Variants in NTRK2 observed in about 807,000 individuals in gnomAD.
NTRK2 encodes neurotrophic receptor tyrosine kinase 2.
A neutral mutation model predicts 94.5 loss-of-function variants in NTRK2; 13 were observed. The ratio of observed to expected loss-of-function variants is 0.14; its 90% CI spans 0.09 to 0.22. The LOEUF (loss-of-function observed/expected upper bound fraction) is 0.22. Among genes scored for constraint, NTRK2 ranks in the 10% least tolerant of loss-of-function variants. The pLI, the probability that NTRK2 is intolerant of heterozygous loss-of-function variation, is 1.00. For synonymous variants in NTRK2, 372 were observed against 407.4 expected, an observed-to-expected ratio of 0.91 and a Z score of 1.05; for missense variants, 639 against 1,071.2, an observed-to-expected ratio of 0.60 and a Z score of 5.63.
intron 12 of NTRK2, among the ~76,000 whole-genome samples, chr9:84,855,098 T>G (rs1345697331): frequency 6.6e-6 from 1 of 152,146 alleles, no homozygotes; most frequent in African/African-American, 2.4e-5. Flanking sequence ...TAGGTTGGCC[T>G]TGTCATGAGA....
Position 84,870,489 on chromosome 9 carries a change from G to A in NTRK2, c.1633+3058G>A, listed in dbSNP as rs535583907. ...GTAGCTAGGACTCTAGGTACACACC[G>A]TCATGTCTGGCTAATTTTTTTTTAT... On this transcript the variant is annotated intron_variant, in intron 14 of 18. Coordinates refer to ENST00000277120, the MANE Select transcript of NTRK2 (RefSeq NM_006180.6). 4.7e-5 allele frequency among the ~76,000 whole-genome samples: 7 copies of A among 149,950 alleles called. No homozygotes were observed. The South Asian group carries it at 6.4e-4, about 14-fold the overall frequency.
chr9:84,975,763 T>TATTCACACAAATTGTGTGAATACA (rs1344209039), intron 17 of NTRK2, among the ~76,000 whole-genome samples: 2 of 146,272 alleles, frequency 1.4e-5, no homozygotes, highest in African/African-American at 5.5e-5. Context: ...ATATGTGTGA[T>TATTCACACAAATTGTGTGAATACA]ATTCACACAA....
chr9:84,946,524 G>A (rs896145279), intron 15 of NTRK2, among the ~76,000 whole-genome samples: 2 of 152,210 alleles, frequency 1.3e-5, no homozygotes, highest in African/African-American at 4.8e-5. Flanking sequence ...AGCATGAGGT[G>A]CACCTAGCAG....
chr9:84,991,383 G>A (rs1348699953), intron 17 of NTRK2, among the ~76,000 whole-genome samples: 1 of 152,190 alleles, frequency 6.6e-6, no homozygotes. Context: ...CATTAGTTAT[G>A]CAGATGAAGT....
chr9:84,699,349 T>C (rs190455173), intron 2 of NTRK2, among the ~76,000 whole-genome samples: 13 of 152,312 alleles, frequency 8.5e-5, no homozygotes, highest in Non-Finnish European at 1.8e-4. Context: ...GCTAAACTTG[T>C]AATCCAGCTC....
chr9:84,919,591 AT>A, intron 14 of NTRK2, among the ~76,000 whole-genome samples: 1 of 152,216 alleles, frequency 6.6e-6, no homozygotes, highest in East Asian at 1.9e-4. Context: ...TCACCGAGTC[AT>A]TTTAATGCTC....
rs191899861 is a variant in NTRK2, at chr9:84,798,016, G to A, written c.1396+45931G>A. 3.7e-3 allele frequency among the ~76,000 whole-genome samples: 546 copies of A among 149,354 alleles called. 12 individuals carry two copies. Among genetic ancestry groups the A allele is most frequent in the Non-Finnish European group, 3.0e-3 (205 of 67,762 alleles). On this transcript the variant is annotated intron_variant, in intron 12 of 18. Coordinates refer to ENST00000277120, the MANE Select transcript of NTRK2 (RefSeq NM_006180.6). ...CCATTGGGACTGTCTTAGTCTTGCC[G>A]CTATAACAAAGTATCACAGACTGGG...
intron 12 of NTRK2, chr9:84,814,999 G>A (rs1389335158): frequency 2.8e-6 from 3 of 1,059,504 alleles, no homozygotes; most frequent in African/African-American, 1.6e-5. Flanking sequence ...GACTCTTTTG[G>A]ACAGACCATG....
chr9:84,850,220 CA>C (rs1194467362), intron 12 of NTRK2, among the ~76,000 whole-genome samples: 3 of 150,650 alleles, frequency 2.0e-5, no homozygotes, highest in Non-Finnish European at 4.4e-5. Flanking sequence ...AAAAAAAAAA[CA>C]AAAAAACAAA....
At chr9:85,002,515 A>T (rs1173208322) in intron 17 of NTRK2, among the ~76,000 whole-genome samples, 1 of 152,156 alleles carries the variant, frequency 6.6e-6, no homozygotes, top group African/African-American at 2.4e-5. Context: ...TCCACTTTCA[A>T]ATAATGGTGC....
At chr9:84,867,514 A>G in intron 14 of NTRK2, 83 bp downstream of exon 14, 1 of 1,191,516 alleles carries the variant, frequency 8.4e-7, no homozygotes, top group Non-Finnish European at 1.3e-6. Flanking sequence ...CCTGATAGGG[A>G]TGACTGGCGG....
At chr9:84,833,651 C>A (rs940323949) in intron 12 of NTRK2, among the ~76,000 whole-genome samples, 2 of 148,626 alleles carry the variant, frequency 1.3e-5, no homozygotes, top group African/African-American at 5.0e-5. Flanking sequence ...AGGAGGGAGG[C>A]AGGGGAGGGA....
intron 14 of NTRK2, among the ~76,000 whole-genome samples, chr9:84,918,973 C>G (rs2077478257): frequency 6.6e-6 from 1 of 152,120 alleles, no homozygotes; most frequent in Non-Finnish European, 1.5e-5. Context: ...GCAATAGCTC[C>G]CATCTGCTTA....
At chr9:84,977,891 T>C (rs1450970585) in intron 17 of NTRK2, among the ~76,000 whole-genome samples, 1 of 152,224 alleles carries the variant, frequency 6.6e-6, no homozygotes, top group Non-Finnish European at 1.5e-5. Flanking sequence ...TATTATAAGA[T>C]CTGTTCCAGT....
At chr9:84,951,816 G>A (rs563634432) in intron 16 of NTRK2, among the ~76,000 whole-genome samples, 5 of 152,224 alleles carry the variant, frequency 3.3e-5, no homozygotes, top group Non-Finnish European at 7.4e-5. Flanking sequence ...AAGGGAGCTG[G>A]GCACTTAGCT....
intron 17 of NTRK2, among the ~76,000 whole-genome samples, chr9:84,980,453 C>T (rs991915187): frequency 1.3e-5 from 2 of 152,144 alleles, no homozygotes; most frequent in Non-Finnish European, 2.9e-5. Flanking sequence ...ATTGTCATCC[C>T]ACTCTTAAAA....
chr9:84,907,118 C>T (rs1177710339), intron 14 of NTRK2, among the ~76,000 whole-genome samples: 1 of 151,880 alleles, frequency 6.6e-6, no homozygotes, highest in Non-Finnish European at 1.5e-5. Context: ...TACTTTAAAC[C>T]ACACCAAAAA....
intron 2 of NTRK2, among the ~76,000 whole-genome samples, chr9:84,671,993 T>G (rs777747752): frequency 8.5e-5 from 13 of 152,200 alleles, no homozygotes; most frequent in Non-Finnish European, 1.6e-4. Context: ...CGTGGAAGAT[T>G]GTAAGGCAAA....
chr9:84,858,432 C>T (rs1377974209), intron 12 of NTRK2, among the ~76,000 whole-genome samples: 1 of 151,888 alleles, frequency 6.6e-6, no homozygotes, highest in Non-Finnish European at 1.5e-5. Context: ...CCATTTCCCT[C>T]CCCCAACCCC....
Sources: allele counts gnomAD v4.1 joint callset (sites outside exome capture counted in the v4.1 genomes callset), GRCh38; gene constraint gnomAD v4.1.1; transcripts MANE v1.5; gene names NCBI Gene and HGNC (gene_info 2026-07-23, HGNC 2026-07-21).